Variants in CSMD1 observed in about 807,000 individuals in gnomAD.
CSMD1 encodes the protein CUB and sushi domain-containing protein 1.
In CSMD1, 213 loss-of-function variants were observed where a neutral mutation model predicts 417.5. The observed-to-expected ratio is 0.51, with a 90% confidence interval of 0.46 to 0.57. CSMD1 has a LOEUF of 0.57. CSMD1 is among the 20% of genes least tolerant of loss of function. The probability of loss-of-function intolerance (pLI) is 0.00; values close to 1 mark genes in which losing one functional copy is unlikely to be tolerated. For synonymous variants in CSMD1, 2,862 were observed against 1,736.8 expected (o/e 1.65, Z -16.11); for missense variants, 6,923 against 4,529.7 (o/e 1.53, Z -15.17).
chr8:3,602,457 C>G (rs1297798983), intron 8 of CSMD1, among the ~76,000 whole-genome samples: 2 of 152,068 alleles, frequency 1.3e-5, no homozygotes, highest in African/African-American at 4.8e-5. Context: ...AAAATCAATG[C>G]ACTGGTTGGT....
chr8:4,358,911 T>C (rs1297870646), intron 3 of CSMD1, among the ~76,000 whole-genome samples: 2 of 152,070 alleles, frequency 1.3e-5, no homozygotes, highest in African/African-American at 2.4e-5. Flanking sequence ...CAGTGAACCT[T>C]TATTAAAAAA....
chr8:3,618,568 A>G (rs1449992189), intron 7 of CSMD1, among the ~76,000 whole-genome samples: 1 of 152,074 alleles, frequency 6.6e-6, no homozygotes, highest in Non-Finnish European at 1.5e-5. Flanking sequence ...TTTTCTCAAT[A>G]TTATATCAAA....
chr8:3,923,814 C>T (rs1809449713), intron 5 of CSMD1, among the ~76,000 whole-genome samples: 1 of 152,184 alleles, frequency 6.6e-6, no homozygotes, highest in African/African-American at 2.4e-5. Flanking sequence ...CTACTCCCTG[C>T]GTCTGAGTTT....
intron 52 of CSMD1, among the ~76,000 whole-genome samples, chr8:3,013,806 C>T (rs1199774413): frequency 6.6e-6 from 1 of 151,830 alleles, no homozygotes; most frequent in African/African-American, 2.4e-5. Flanking sequence ...AGATCCATCA[C>T]CACAAATGCA....
At chr8:4,414,298 C>T (rs1796807967) in intron 3 of CSMD1, among the ~76,000 whole-genome samples, 1 of 152,114 alleles carries the variant, frequency 6.6e-6, no homozygotes, top group Non-Finnish European at 1.5e-5. Flanking sequence ...AGAGGAAGCC[C>T]CGCCCATCCT....
chr8:4,754,948 C>T (rs537508511), intron 1 of CSMD1, among the ~76,000 whole-genome samples: 1 of 151,956 alleles, frequency 6.6e-6, no homozygotes, highest in East Asian at 1.9e-4. Flanking sequence ...ACCAGCCTGG[C>T]CAACATAGTG....
At chr8:4,481,983 G>A (rs555274187) in intron 2 of CSMD1, among the ~76,000 whole-genome samples, 1 of 152,154 alleles carries the variant, frequency 6.6e-6, no homozygotes, top group Non-Finnish European at 1.5e-5. Flanking sequence ...TATTATATAG[G>A]CTTTATCAGT....
At chr8:4,264,691 A>T (rs1179370249) in intron 3 of CSMD1, among the ~76,000 whole-genome samples, 1 of 152,166 alleles carries the variant, frequency 6.6e-6, no homozygotes, top group East Asian at 1.9e-4. Flanking sequence ...GAATAAGGGG[A>T]ACAGGGCCTT....
intron 1 of CSMD1, among the ~76,000 whole-genome samples, chr8:4,664,074 G>C (rs892606353): frequency 2.0e-5 from 3 of 152,108 alleles, no homozygotes; most frequent in South Asian, 2.1e-4. Context: ...TGTGGGTTCT[G>C]TGTGTGCGTC....
intron 1 of CSMD1, among the ~76,000 whole-genome samples, chr8:4,862,207 G>C (rs1178346136): frequency 6.6e-6 from 1 of 151,972 alleles, no homozygotes; most frequent in Non-Finnish European, 1.5e-5. Flanking sequence ...AACGAGGCCT[G>C]GGGGGCTTGA....
intron 51 of CSMD1, among the ~76,000 whole-genome samples, chr8:3,019,895 T>C (rs1809212656): frequency 6.6e-6 from 1 of 152,222 alleles, no homozygotes; most frequent in South Asian, 2.1e-4. Context: ...CTGAAATATG[T>C]TTTGAACAGG....
chr8:3,733,999 C>A (rs55920078), intron 6 of CSMD1, among the ~76,000 whole-genome samples: 5,383 of 152,054 alleles, frequency 0.035, 127 homozygotes, highest in African/African-American at 0.05. Flanking sequence ...TGTACGTGTG[C>A]AAGGGTGTGA....
chr8:4,223,420 C>G (rs1293612250), intron 3 of CSMD1, among the ~76,000 whole-genome samples: 1 of 152,206 alleles, frequency 6.6e-6, no homozygotes, highest in Non-Finnish European at 1.5e-5. Context: ...GGCGTCATCG[C>G]CAGGGATACG....
At chr8:3,656,014 C>T (rs1190724971) in intron 7 of CSMD1, among the ~76,000 whole-genome samples, 1 of 152,128 alleles carries the variant, frequency 6.6e-6, no homozygotes. Context: ...AAGTTTTATT[C>T]TGCAAAGATG....
intron 2 of CSMD1, among the ~76,000 whole-genome samples, chr8:4,616,145 A>G (rs1801462334): frequency 6.6e-6 from 1 of 152,214 alleles, no homozygotes; most frequent in Non-Finnish European, 1.5e-5. Context: ...GTTGTGATAA[A>G]AATAAATGAA....
intron 7 of CSMD1, among the ~76,000 whole-genome samples, chr8:3,661,978 C>A (rs978488527): frequency 5.3e-5 from 8 of 151,998 alleles, no homozygotes; most frequent in Admixed American, 3.3e-4. Context: ...CCAGAGGCTG[C>A]GGGAGAGAGG....
chr8:3,136,999 G>C (rs900754495), intron 41 of CSMD1, among the ~76,000 whole-genome samples: 2 of 151,872 alleles, frequency 1.3e-5, no homozygotes, highest in South Asian at 2.1e-4. Flanking sequence ...CATATTCATG[G>C]GGTACATAGT....
intron 2 of CSMD1, among the ~76,000 whole-genome samples, chr8:4,535,662 A>G (rs1463130772): frequency 6.6e-6 from 1 of 152,176 alleles, no homozygotes; most frequent in Non-Finnish European, 1.5e-5. Context: ...AAAGACCTTG[A>G]TTCAGCCATT....
intron 3 of CSMD1, among the ~76,000 whole-genome samples, chr8:4,285,441 G>A (rs1417771144): frequency 1.3e-5 from 2 of 152,060 alleles, no homozygotes; most frequent in African/African-American, 4.8e-5. Context: ...CCTAGACAAG[G>A]GTATTAGTTC....
Sources: gnomAD v4.1 joint callset for allele counts (sites outside exome capture counted in the v4.1 genomes callset) on GRCh38, gnomAD v4.1.1 for gene constraint, MANE v1.5 for transcripts, NCBI Gene and HGNC (gene_info 2026-07-23, HGNC 2026-07-21) for gene names.